TMEM67: variants seen among roughly 807,000 people sequenced by gnomAD.
TMEM67 encodes the protein transmembrane protein 67, also known as meckelin.
TMEM67 carries 124 observed loss-of-function variants against 136.6 expected under a neutral mutation model. The ratio of observed to expected loss-of-function variants is 0.91; its 90% confidence interval spans 0.78 to 1.05. The LOEUF is 1.05. TMEM67 is among the 50% of genes least tolerant of loss of function. The pLI, the probability that TMEM67 is intolerant of heterozygous loss-of-function variation, is 0.00. For missense variants in TMEM67, 1,107 were observed against 1,178.4 expected (o/e 0.94, Z 0.89); for synonymous variants, 364 against 390.5 (o/e 0.93, Z 0.80).
chr8:93,777,582 C>A (rs1813609522), intron 7 of TMEM67, among the ~76,000 whole-genome samples: 1 of 152,164 alleles, frequency 6.6e-6, no homozygotes, highest in African/African-American at 2.4e-5. Context: ...CAAAGAACAT[C>A]TTTATTTCTG....
intron 3 of TMEM67, among the ~76,000 whole-genome samples, chr8:93,763,512 A>AAT (rs1443287619): frequency 6.6e-6 from 1 of 152,186 alleles, no homozygotes; most frequent in Admixed American, 6.5e-5. Context: ...GTGTGACAGA[A>AAT]ATGTATAGAT....
chr8:93,819,330 A>AT (rs1183813327), downstream of TMEM67: 13 of 384,408 alleles, frequency 3.4e-5, no homozygotes, highest in Non-Finnish European at 1.5e-5. Context: ...GCCCAGATAG[A>AT]GGTCACCGAT....
downstream of TMEM67, among the ~76,000 whole-genome samples, chr8:93,823,634 C>T (rs1171073763): frequency 6.6e-6 from 1 of 152,114 alleles, no homozygotes; most frequent in African/African-American, 2.4e-5. Flanking sequence ...ATAGAAGGAA[C>T]AGCATGTGCA....
At chr8:93,795,280 A>C (rs1377421636) in intron 16 of TMEM67, 129 bp from the exon 17 acceptor site, 6 of 807,574 alleles carry the variant, frequency 7.4e-6, no homozygotes, top group Admixed American at 3.8e-5. Flanking sequence ...GCTGGATCAT[A>C]TGGGGATATG....
chr8:93,814,135 C>CT lies in TMEM67; in HGVS notation c.2765-1148dup, dbSNP rs55774610. On this transcript the variant is annotated intron_variant, in intron 26 of 27. Transcript: ENST00000453321. ...TGTTTGCAAGAGTTGTATATGTATA[C>CT]TTTTTTTTTTTTTTTTTTTTTTGAG... Among the ~76,000 whole-genome samples the CT allele has an allele frequency of 1.7e-3, 106 of 60,744 alleles. 1 individual carries two copies. Among genetic ancestry groups the CT allele is most frequent in the African/African-American group, 5.4e-3 (94 of 17,278 alleles). 39.9% of individuals were successfully genotyped at this position (60,744 alleles called of 152,430 possible). A position where few individuals can be genotyped will look rare whatever the true frequency, so the allele number is the denominator to read the frequency against.
intron 27 of TMEM67, 43 bp from the exon 28 acceptor site, chr8:93,816,329 C>A: frequency 1.0e-6 from 1 of 970,466 alleles, no homozygotes; most frequent in Non-Finnish European, 1.6e-6. Context: ...ATATTTAATT[C>A]TGTTTATATT....
intron 23 of TMEM67, among the ~76,000 whole-genome samples, chr8:93,806,827 G>A (rs1189893154): frequency 6.6e-6 from 1 of 151,960 alleles, no homozygotes; most frequent in Non-Finnish European, 1.5e-5. Context: ...TAAGGATAAA[G>A]AATAGAAATC....
rs1287581546 is a variant in TMEM67, at chr8:93,808,855, C to T, written c.2455C>T (p.Gln819Ter). 1 of 1,608,662 alleles carries T rather than the reference C, an allele frequency of 6.2e-7. No homozygotes were observed. Among genetic ancestry groups the T allele is most frequent in the Non-Finnish European group, 8.5e-7 (1 of 1,175,556 alleles). Residue 819 changes from glutamine to a stop codon, truncating the protein, a stop_gained, in exon 24 of 28, where the codon CAG (glutamine) becomes TAG (stop). Coordinates refer to ENST00000453321, the MANE Select transcript of TMEM67 (RefSeq NM_153704.6). LOFTEE classifies it high-confidence loss of function. The part of the protein sequence containing the change: ...LKREAENLCS[Q>*]RGLVPNTDGQ... ...AACTTTTCAGGAAAATTTGTGTAGC[C>T]AGAGAGGTTTGGTACCCAACACAGA...
intron 21 of TMEM67, among the ~76,000 whole-genome samples, chr8:93,800,462 A>G (rs918844499): frequency 1.3e-5 from 2 of 152,176 alleles, no homozygotes; most frequent in African/African-American, 4.8e-5. Context: ...GGACTTGAAT[A>G]TGGGTGGATT....
chr8:93,799,200 T>C (rs1351081579), intron 20 of TMEM67, among the ~76,000 whole-genome samples: 2 of 152,176 alleles, frequency 1.3e-5, no homozygotes, highest in South Asian at 4.1e-4. Context: ...TTATGTCCTT[T>C]AGAAGACATT....
intron 26 of TMEM67, among the ~76,000 whole-genome samples, chr8:93,812,536 T>C (rs1450579871): frequency 6.6e-6 from 1 of 152,208 alleles, no homozygotes; most frequent in African/African-American, 2.4e-5. Flanking sequence ...TCTTCTGGTC[T>C]TGGATTCAAA....
At chr8:93,790,626 G>A (rs1398408471) in intron 14 of TMEM67, among the ~76,000 whole-genome samples, 1 of 152,090 alleles carries the variant, frequency 6.6e-6, no homozygotes, top group Admixed American at 6.5e-5. Flanking sequence ...TTGCAGTCTG[G>A]CTCTTGCCAT....
At chr8:93,791,102 A>C (rs1052627373) in intron 14 of TMEM67, 161 bp from the exon 15 acceptor site, 3 of 576,120 alleles carry the variant, frequency 5.2e-6, no homozygotes, top group Admixed American at 3.2e-5. Flanking sequence ...TCTCAAAAGC[A>C]TATCTATTTA....
chr8:93,824,828 C>A, the TMEM67 span, among the ~76,000 whole-genome samples: 1 of 152,298 alleles, frequency 6.6e-6, no homozygotes, highest in South Asian at 2.1e-4. Context: ...AATTCTCCCA[C>A]CTCAGCCTCT....
chr8:93,798,994 T>G (rs1814749658), intron 20 of TMEM67, among the ~76,000 whole-genome samples: 1 of 150,262 alleles, frequency 6.7e-6, no homozygotes. Flanking sequence ...TTTAAGAGTT[T>G]CCTCAGCTTT....
Position 93,781,744 on chromosome 8 carries a change from G to T in TMEM67, c.1065G>T (p.Gln355His). Residue 355 changes from glutamine (Q) to histidine (H), a missense_variant and splice_region_variant, in exon 10 of 28, where the codon CAG becomes CAT. This residue lies in a region of TMEM67 where 925 missense variants were observed against 1,002.4 expected (regional missense o/e 0.92). Transcript: ENST00000453321. ...AAACTTTAGAAGGAGGTGTTTTACA[G>T]GTAAGCATGATTCTAGTTAAAGAAT... ...KWQTLEGGVL[Q>H]LCPDTETRLN... is the part of the protein sequence containing the mutation. 6.3e-7 allele frequency: 1 copy of T among 1,580,152 alleles called. No homozygotes were observed. The highest frequency in any genetic ancestry group is 8.7e-7 in the Non-Finnish European group (1 of 1,151,652).
intron 15 of TMEM67, 140 bp from the exon 16 acceptor site, chr8:93,793,058 A>G (rs1365218423): frequency 1.3e-6 from 1 of 747,036 alleles, no homozygotes; most frequent in African/African-American, 1.7e-5. Flanking sequence ...GGTGTGAGCC[A>G]CTGTGCCCGG....
intron 4 of TMEM67, among the ~76,000 whole-genome samples, chr8:93,765,012 G>A (rs1393292727): frequency 1.3e-5 from 2 of 152,120 alleles, no homozygotes; most frequent in Non-Finnish European, 2.9e-5. Context: ...TTCTCTTCGG[G>A]TTATGCTACC....
rs1047313888 is a variant in TMEM67, at chr8:93,817,272, C to G, written c.*820C>G. The G allele has an allele frequency of 6.6e-6, 1 of 152,238 alleles. No individual in the cohort carries two copies. Among genetic ancestry groups the G allele is most frequent in the Non-Finnish European group, 1.5e-5 (1 of 68,062 alleles). The allele number at this position is 152,238 out of a possible 1,614,324, so 9.4% of individuals were successfully genotyped here. ...TAAGGCTGGGCGCTGTGGCTTACGCCTGTAATCCCAGCACTTTGGAAGGCC... is the reference window on the plus strand; with the variant it reads ...TAAGGCTGGGCGCTGTGGCTTACGCGTGTAATCCCAGCACTTTGGAAGGCC... On this transcript the variant is annotated 3_prime_UTR_variant, in exon 28 of 28. Transcript: ENST00000453321.
Sources: gnomAD v4.1 joint callset for allele counts (sites outside exome capture counted in the v4.1 genomes callset) on GRCh38, gnomAD v4.1.1 for gene constraint, gnomAD v4.1.1 regional missense constraint, MANE v1.5 for transcripts, NCBI Gene and HGNC (gene_info 2026-07-23, HGNC 2026-07-21) for gene names.